NT5DC1: variants seen among roughly 807,000 people sequenced by gnomAD.
The protein encoded by NT5DC1 is 5'-nucleotidase domain-containing protein 1.
NT5DC1 carries 42 observed loss-of-function variants against 59.4 expected under a neutral mutation model. The ratio of observed to expected loss-of-function variants is 0.71; its 90% CI spans 0.55 to 0.92. The LOEUF (loss-of-function observed/expected upper bound fraction) is 0.92, where lower values mean the gene tolerates loss of function less well. Among genes scored for constraint, NT5DC1 ranks in the 40% least tolerant of loss-of-function variants. NT5DC1 has a pLI of 0.00. For synonymous variants in NT5DC1, 172 were observed against 188.1 expected, an observed-to-expected ratio of 0.91 and a Z score of 0.70; for missense variants, 501 against 537.1, an observed-to-expected ratio of 0.93 and a Z score of 0.66.
chr6:116,118,210 T>C, intron 6 of NT5DC1: 1 of 429,224 alleles, frequency 2.3e-6, no homozygotes, highest in Non-Finnish European at 4.2e-6. Flanking sequence ...GTGAGTTCCC[T>C]AGAATTGAAG....
At chr6:116,225,033 G>A (rs1227677742) in intron 8 of NT5DC1, among the ~76,000 whole-genome samples, 1 of 152,104 alleles carries the variant, frequency 6.6e-6, no homozygotes, top group Non-Finnish European at 1.5e-5. Flanking sequence ...AGAAACAGCA[G>A]ACAAAAAGAA....
At position 116,246,508 on chromosome 6, in the gene NT5DC1, G is replaced by A. The variant is rs1269199586; in HGVS notation, c.*2484G>A. 3 of 139,820 alleles carry A rather than the reference G, an allele frequency of 2.1e-5. No homozygotes were observed. The highest frequency in any genetic ancestry group is 4.6e-5 in the Non-Finnish European group (3 of 65,934). 8.7% of individuals were successfully genotyped at this position (139,820 alleles called of 1,614,324 possible). ...ACACACACACACTTTTAGTGAACTG[G>A]TTTGAATGAAAATAAATTTATATAA... is the stretch of plus-strand genomic sequence containing the variant. On this transcript the variant is annotated 3_prime_UTR_variant, in exon 12 of 12. Coordinates refer to ENST00000319550, the MANE Select transcript of NT5DC1 (RefSeq NM_152729.3).
chr6:116,194,248 A>G (rs1781181014), intron 6 of NT5DC1, among the ~76,000 whole-genome samples: 1 of 152,094 alleles, frequency 6.6e-6, no homozygotes, highest in Non-Finnish European at 1.5e-5. Context: ...GTTCTTTCAA[A>G]TGACGGAGTT....
At chr6:116,235,373 T>C (rs1444153747) in intron 8 of NT5DC1, among the ~76,000 whole-genome samples, 1 of 152,226 alleles carries the variant, frequency 6.6e-6, no homozygotes, top group Non-Finnish European at 1.5e-5. Context: ...TGATTTTGGC[T>C]TCCTATCTAT....
At chr6:116,239,320 T>C (rs1353674959) in intron 11 of NT5DC1, among the ~76,000 whole-genome samples, 197 bp downstream of exon 11, 1 of 152,210 alleles carries the variant, frequency 6.6e-6, no homozygotes, top group African/African-American at 2.4e-5. Flanking sequence ...ACAATTTTTT[T>C]TTTAAGTCAG....
chr6:116,212,146 G>A (rs553061474), intron 6 of NT5DC1, among the ~76,000 whole-genome samples: 3 of 151,928 alleles, frequency 2.0e-5, no homozygotes, highest in Admixed American at 1.3e-4. Context: ...TAATAACTCT[G>A]TCAAAACAAT....
intron 6 of NT5DC1, among the ~76,000 whole-genome samples, chr6:116,212,593 CTT>C (rs1457597229): frequency 6.6e-6 from 1 of 152,100 alleles, no homozygotes; most frequent in Non-Finnish European, 1.5e-5. Flanking sequence ...ACAGTGCACT[CTT>C]GTGATAAAAT....
At chr6:116,171,526 A>G (rs1307080588) in intron 6 of NT5DC1, among the ~76,000 whole-genome samples, 1 of 152,192 alleles carries the variant, frequency 6.6e-6, no homozygotes, top group Non-Finnish European at 1.5e-5. Flanking sequence ...ACTTGTTTAA[A>G]CCATATGTCA....
At chr6:116,111,953 A>G (rs1778885438) in intron 4 of NT5DC1, among the ~76,000 whole-genome samples, 1 of 152,212 alleles carries the variant, frequency 6.6e-6, no homozygotes, top group African/African-American at 2.4e-5. Context: ...AGGTGTAAAC[A>G]GGCTCTTCCT....
At chr6:116,185,183 T>C (rs1780970017) in intron 6 of NT5DC1, among the ~76,000 whole-genome samples, 1 of 152,094 alleles carries the variant, frequency 6.6e-6, no homozygotes, top group Non-Finnish European at 1.5e-5. Flanking sequence ...GAGGGTTCCT[T>C]TTGGAGTTGA....
intron 11 of NT5DC1, among the ~76,000 whole-genome samples, chr6:116,241,939 CAAAACAAAAAAAAAAA>C (rs1771737138): frequency 1.7e-4 from 2 of 12,030 alleles, no homozygotes; most frequent in African/African-American, 3.0e-4. Context: ...AAAAAAAAAA[CAAAACAAAAAAAAAAA>C]AAAACAAAGA....
rs1037545517 is a variant in NT5DC1, at chr6:116,106,244, C to G, written c.94C>G (p.Leu32Val). 2 of 1,476,496 alleles carry G rather than the reference C, an allele frequency of 1.4e-6. No homozygotes were observed. The highest frequency in any genetic ancestry group is 2.8e-5 in the African/African-American group (2 of 72,254). The allele number at this position is 1,476,496 out of a possible 1,614,324, so 91.5% of individuals were successfully genotyped here. A position where few individuals can be genotyped will look rare whatever the true frequency, so the allele number is the denominator to read the frequency against. ...CTGTTTTTCTTCCCCTTATTTGCAGCTCATTTATAATAGCTTTGCCCAGTT... is the reference window on the plus strand; with the variant it reads ...CTGTTTTTCTTCCCCTTATTTGCAGGTCATTTATAATAGCTTTGCCCAGTT... ...CRYNLPESAP[L>V]IYNSFAQFLV... Residue 32 changes from leucine to valine, a missense_variant and splice_region_variant, in exon 2 of 12, where the codon CTC becomes GTC. Transcript: ENST00000319550.
intron 6 of NT5DC1, among the ~76,000 whole-genome samples, chr6:116,169,163 C>T (rs373189264): frequency 2.6e-5 from 4 of 152,202 alleles, no homozygotes; most frequent in African/African-American, 9.6e-5. Flanking sequence ...GCTCAGCTTT[C>T]TGGGTTTCTC....
chr6:116,107,892 G>C (rs558942958), intron 2 of NT5DC1, among the ~76,000 whole-genome samples: 7 of 152,226 alleles, frequency 4.6e-5, no homozygotes, highest in African/African-American at 1.7e-4. Flanking sequence ...TCAATGATAT[G>C]CCTTGTCCAG....
At chr6:116,229,044 G>A (rs1781959566) in intron 8 of NT5DC1, among the ~76,000 whole-genome samples, 1 of 152,128 alleles carries the variant, frequency 6.6e-6, no homozygotes, top group Admixed American at 6.5e-5. Flanking sequence ...CAGCCCCAGG[G>A]TGGCAGGAAA....
intron 3 of NT5DC1, among the ~76,000 whole-genome samples, chr6:116,108,906 C>T (rs1203085654): frequency 6.6e-6 from 1 of 152,158 alleles, no homozygotes; most frequent in Non-Finnish European, 1.5e-5. Context: ...ATGTTGTGTC[C>T]TAGCTCCTTT....
At chr6:116,103,982 T>A (rs1778715002) in intron 1 of NT5DC1, among the ~76,000 whole-genome samples, 1 of 152,184 alleles carries the variant, frequency 6.6e-6, no homozygotes, top group Admixed American at 6.5e-5. Context: ...GAACCAAACA[T>A]AATTTGTAGG....
chr6:116,121,753 T>A, intron 6 of NT5DC1: 1 of 1,613,772 alleles, frequency 6.2e-7, no homozygotes, highest in Non-Finnish European at 8.5e-7. Context: ...GTCCATATGG[T>A]CCTCTCTCTC....
chr6:116,129,607 G>A (rs912055246), intron 6 of NT5DC1, among the ~76,000 whole-genome samples: 4 of 152,100 alleles, frequency 2.6e-5, no homozygotes, highest in Non-Finnish European at 5.9e-5. Context: ...CAGCATGAAC[G>A]CTCTCTCCAG....
Sources: gnomAD v4.1 joint callset for allele counts (sites outside exome capture counted in the v4.1 genomes callset) on GRCh38, gnomAD v4.1.1 for gene constraint, MANE v1.5 for transcripts, NCBI Gene and HGNC (gene_info 2026-07-23, HGNC 2026-07-21) for gene names.